Variants in ADGRL3 observed in about 807,000 individuals in gnomAD.
The protein encoded by ADGRL3 is calcium-independent alpha-latrotoxin receptor 3.
In ADGRL3, 62 loss-of-function variants were observed where a neutral mutation model predicts 153.5. The ratio of observed to expected loss-of-function variants is 0.40; its 90% CI spans 0.33 to 0.50. The LOEUF is 0.50. ADGRL3 is among the 20% of genes least tolerant of loss of function. The pLI is 0.47. For missense variants in ADGRL3, 1,641 were observed against 1,859.4 expected (o/e 0.88, Z 2.16); for synonymous variants, 710 against 672.5 (o/e 1.06, Z -0.86).
rs540384773 is a variant in ADGRL3, at chr4:61,804,721, T to C, written c.1400-9088T>C. ...CAAGAGCTTATATGAAGAATGCCTATTGGCCATTATTTGAGAGTAATACAT... is the reference window on the plus strand; with the variant it reads ...CAAGAGCTTATATGAAGAATGCCTACTGGCCATTATTTGAGAGTAATACAT... On this transcript the variant is annotated intron_variant, in intron 8 of 26. Transcript: ENST00000683033. Among the ~76,000 whole-genome samples, 206 of 152,272 alleles carry C rather than the reference T, an allele frequency of 1.4e-3. 1 individual carries two copies. Among genetic ancestry groups the C allele is most frequent in the Middle Eastern group, 6.8e-3 (2 of 294 alleles).
intron 5 of ADGRL3, among the ~76,000 whole-genome samples, chr4:61,611,106 A>C (rs750523286): frequency 6.6e-6 from 1 of 152,178 alleles, no homozygotes; most frequent in Non-Finnish European, 1.5e-5. Context: ...TTGTTTGTCC[A>C]TATGCGTTTT....
At position 62,031,495 on chromosome 4, in the gene ADGRL3, C is replaced by G; in HGVS notation, c.3476C>G (p.Ala1159Gly). 6.2e-7 allele frequency: 1 copy of G among 1,610,872 alleles called. No individual in the cohort carries two copies. The highest frequency in any genetic ancestry group is 8.5e-7 in the Non-Finnish European group (1 of 1,177,760). ...ALLCLLGLTW[A>G]FGLMYINEST... ...CTCTGCCTATTAGGATTGACCTGGG[C>G]CTTTGGACTCATGTATATTAATGAA... The change falls in exon 23 of 27, where the codon GCC becomes GGC. Residue 1159 changes from alanine (A) to glycine (G), a missense_variant. Around this residue, in one of 5 missense-constraint regions of ADGRL3, gnomAD observed 517 missense variants for 555.0 expected, o/e 0.93. Coordinates refer to ENST00000683033, the MANE Select transcript of ADGRL3 (RefSeq NM_001387552.1).
chr4:61,361,435 C>G (rs1010593823), intron 1 of ADGRL3, among the ~76,000 whole-genome samples: 4 of 152,062 alleles, frequency 2.6e-5, no homozygotes, highest in African/African-American at 9.7e-5. Flanking sequence ...TAACATTATA[C>G]TAGTCAAAGA....
chr4:61,790,191 T>C (rs1488018159), intron 8 of ADGRL3, among the ~76,000 whole-genome samples: 1 of 152,230 alleles, frequency 6.6e-6, no homozygotes, highest in Non-Finnish European at 1.5e-5. Context: ...ATTTAAATTC[T>C]TGGTTTTAAA....
At position 61,251,171 on chromosome 4, in the gene ADGRL3, T is replaced by C. The variant is rs532318061; in HGVS notation, c.-240+49406T>C. 1.1e-4 allele frequency among the ~76,000 whole-genome samples: 16 copies of C among 152,218 alleles called. No homozygotes were observed. The East Asian group carries it at 2.3e-3, about 22-fold the overall frequency. On this transcript the variant is annotated intron_variant, in intron 1 of 26. Transcript: ENST00000683033. The stretch of plus-strand genomic sequence containing the variant: ...TGCTCCATCATGCCTGGGGCTTCAG[T>C]GGGGAAGATTCCAAAGGCAGAGTGG...
intron 4 of ADGRL3, among the ~76,000 whole-genome samples, chr4:61,533,125 T>C (rs2098633934): frequency 6.6e-6 from 1 of 152,212 alleles, no homozygotes; most frequent in African/African-American, 2.4e-5. Context: ...GATAGAATTT[T>C]GATAAGGACG....
At chr4:62,022,163 A>G (rs1377989742) in intron 21 of ADGRL3, among the ~76,000 whole-genome samples, 2 of 152,196 alleles carry the variant, frequency 1.3e-5, no homozygotes, top group Admixed American at 1.3e-4. Flanking sequence ...AAATAGCCTT[A>G]TTGCCTCAAA....
At chr4:61,473,172 C>T (rs1426422854) in intron 2 of ADGRL3, among the ~76,000 whole-genome samples, 4 of 150,002 alleles carry the variant, frequency 2.7e-5, no homozygotes, top group Admixed American at 6.7e-5. Flanking sequence ...GTGAGAATTT[C>T]GGCAGTGAAA....
Position 62,070,206 on chromosome 4 carries a change from C to T in ADGRL3, c.3930C>T (p.Tyr1310=). 1.9e-6 allele frequency: 3 copies of T among 1,613,946 alleles called. 1 individual carries two copies. In the East Asian group the frequency reaches 6.7e-5, roughly 36 times the overall value. The change falls in exon 27 of 27, where the codon TAC becomes TAT. Residue 1310 remains tyrosine (Y), a synonymous_variant. Coordinates refer to ENST00000683033, the MANE Select transcript of ADGRL3 (RefSeq NM_001387552.1). ...GTTACAGCATTGCCAGCGGCGAATA[C>T]CTGAGCAACTGTGTGCAAATCATAG... ...GNSYSIASGE[Y]LSNCVQIIDR... is the part of the protein sequence containing the mutation.
At chr4:61,682,686 A>C (rs1356778399) in intron 6 of ADGRL3, among the ~76,000 whole-genome samples, 1 of 151,412 alleles carries the variant, frequency 6.6e-6, no homozygotes, top group Non-Finnish European at 1.5e-5. Context: ...GATTACAGGC[A>C]TGAGCCACTG....
chr4:61,752,731 A>G (rs1470519982), intron 8 of ADGRL3, among the ~76,000 whole-genome samples: 2 of 152,104 alleles, frequency 1.3e-5, no homozygotes, highest in African/African-American at 4.8e-5. Flanking sequence ...CCAGGAGTTC[A>G]AGTCCAGCCT....
intron 1 of ADGRL3, among the ~76,000 whole-genome samples, chr4:61,245,114 C>T (rs1560380746): frequency 6.6e-6 from 1 of 151,994 alleles, no homozygotes; most frequent in Non-Finnish European, 1.5e-5. Context: ...TTGTCCTCTT[C>T]TCTCTGAAGC....
intron 13 of ADGRL3, among the ~76,000 whole-genome samples, chr4:61,915,029 A>G (rs2098738783): frequency 6.6e-6 from 1 of 152,106 alleles, no homozygotes; most frequent in South Asian, 2.1e-4. Context: ...CTGAATGTGA[A>G]GTGAAGCCAT....
At chr4:61,868,956 G>A (rs139094633) in intron 9 of ADGRL3, among the ~76,000 whole-genome samples, 1 of 151,988 alleles carries the variant, frequency 6.6e-6, no homozygotes, top group African/African-American at 2.4e-5. Context: ...CTTGAGACAG[G>A]GTCTCTATAT....
chr4:61,292,981 A>T (rs2094280379), intron 1 of ADGRL3, among the ~76,000 whole-genome samples: 1 of 152,126 alleles, frequency 6.6e-6, no homozygotes, highest in African/African-American at 2.4e-5. Flanking sequence ...ATAAAAAGGG[A>T]TTTCACAGAC....
At chr4:61,912,982 C>G (rs1455201081) in intron 13 of ADGRL3, among the ~76,000 whole-genome samples, 4 of 152,070 alleles carry the variant, frequency 2.6e-5, no homozygotes, top group Non-Finnish European at 5.9e-5. Context: ...GAGGTGTGAA[C>G]TTTTTCATCA....
At chr4:61,603,389 G>A (rs2099019644) in intron 5 of ADGRL3, among the ~76,000 whole-genome samples, 1 of 152,122 alleles carries the variant, frequency 6.6e-6, no homozygotes, top group South Asian at 2.1e-4. Flanking sequence ...CACTTGTAAG[G>A]AAATGCCTCT....
At chr4:61,956,926 T>C (rs1219286437) in intron 17 of ADGRL3, among the ~76,000 whole-genome samples, 1 of 152,156 alleles carries the variant, frequency 6.6e-6, no homozygotes, top group Non-Finnish European at 1.5e-5. Flanking sequence ...ACCATGCTTT[T>C]TGGTTACTGT....
intron 11 of ADGRL3, among the ~76,000 whole-genome samples, chr4:61,899,738 A>G (rs553361901): frequency 3.3e-5 from 5 of 152,164 alleles, no homozygotes; most frequent in Non-Finnish European, 7.4e-5. Context: ...TGGAGGCTGG[A>G]AAGTCCAAGA....
Sources: allele counts gnomAD v4.1 joint callset (sites outside exome capture counted in the v4.1 genomes callset), GRCh38; gene constraint gnomAD v4.1.1; regional missense constraint gnomAD v4.1.1; transcripts MANE v1.5; gene names NCBI Gene and HGNC (gene_info 2026-07-23, HGNC 2026-07-21).